Variants in TCF4 observed in about 807,000 individuals in gnomAD.
The protein encoded by TCF4 is transcription factor 4, also known as SL3-3 enhancer factor 2.
TCF4 carries 3 observed loss-of-function variants against 82.1 expected under a neutral mutation model. The ratio of observed to expected loss-of-function variants is 0.04; its 90% CI spans 0.02 to 0.09. The LOEUF is 0.09. Ranked by LOEUF, TCF4 falls within the 10% of genes least tolerant of loss-of-function variation. TCF4 has a pLI of 1.00. For synonymous variants in TCF4, 276 were observed against 309.6 expected (o/e 0.89, Z 1.14); for missense variants, 518 against 852.7 (o/e 0.61, Z 4.89).
chr18:55,497,112 T>G (rs2096646038), intron 3 of TCF4, among the ~76,000 whole-genome samples: 1 of 152,174 alleles, frequency 6.6e-6, no homozygotes, highest in Admixed American at 6.5e-5. Context: ...ATTATAAATA[T>G]CTTCAATAAT....
intron 13 of TCF4, among the ~76,000 whole-genome samples, chr18:55,258,053 T>A (rs1047517667): frequency 6.6e-6 from 1 of 152,218 alleles, no homozygotes; most frequent in East Asian, 1.9e-4. Context: ...ATAATACACA[T>A]TCAGTGTAGA....
chr18:55,609,186 C>T (rs182976593), intron 2 of TCF4, among the ~76,000 whole-genome samples: 183 of 152,238 alleles, frequency 1.2e-3, no homozygotes, highest in African/African-American at 4.3e-3. Flanking sequence ...TCGTTTAAGC[C>T]AACTGTTCTG....
In TCF4 at chr18:55,223,856, G is replaced by C. The variant is rs559050965; in HGVS notation, c.*4179C>G. 6.6e-6 allele frequency: 1 copy of C among 152,080 alleles called. No individual in the cohort carries two copies. The highest frequency in any genetic ancestry group is 2.4e-5 in the African/African-American group (1 of 41,416). 9.4% of individuals were successfully genotyped at this position (152,080 alleles called of 1,614,324 possible). On this transcript the variant is annotated 3_prime_UTR_variant, in exon 20 of 20. Coordinates refer to ENST00000354452, the MANE Select transcript of TCF4 (RefSeq NM_001083962.2). ...AACAAACAAAAAAGCTACCCATACA[G>C]TTTCATCTTGGTAACACATGGTAAA...
At chr18:55,476,921 G>A (rs2096302008) in intron 3 of TCF4, among the ~76,000 whole-genome samples, 1 of 152,158 alleles carries the variant, frequency 6.6e-6, no homozygotes, top group Non-Finnish European at 1.5e-5. Context: ...AAATGTGTGT[G>A]TGCATGTGTG....
At chr18:55,392,484 A>G (rs1035144270) in intron 6 of TCF4, among the ~76,000 whole-genome samples, 2 of 150,280 alleles carry the variant, frequency 1.3e-5, no homozygotes, top group Non-Finnish European at 1.5e-5. Flanking sequence ...AAAAAAAAGA[A>G]TATCACTGCT....
At chr18:55,566,560 G>A (rs2097408870) in intron 3 of TCF4, among the ~76,000 whole-genome samples, 1 of 151,946 alleles carries the variant, frequency 6.6e-6, no homozygotes, top group Admixed American at 6.6e-5. Context: ...GAACCAAATG[G>A]AACTTTTAGA....
At chr18:55,401,104 T>C in intron 6 of TCF4, 1 of 1,289,028 alleles carries the variant, frequency 7.8e-7, no homozygotes, top group South Asian at 1.2e-5. Flanking sequence ...TAGCTGATGT[T>C]GTAGACAGGG....
intron 2 of TCF4, among the ~76,000 whole-genome samples, chr18:55,625,480 AC>A (rs1189031934): frequency 2.0e-5 from 3 of 152,000 alleles, no homozygotes; most frequent in African/African-American, 7.2e-5. Context: ...CTTGTGGTCC[AC>A]CCGCCTTGGC....
intron 3 of TCF4, among the ~76,000 whole-genome samples, chr18:55,465,155 A>C (rs921061986): frequency 5.9e-5 from 9 of 152,194 alleles, no homozygotes; most frequent in Non-Finnish European, 1.2e-4. Flanking sequence ...CTCTGACAGA[A>C]GTGGAGGAGG....
Position 55,492,523 on chromosome 18 carries a change from C to A in TCF4, c.146-28386G>T, listed in dbSNP as rs190004155. Among the ~76,000 whole-genome samples, 332 of 152,192 alleles carry A rather than the reference C, an allele frequency of 2.2e-3. 1 individual carries two copies. Among genetic ancestry groups the A allele is most frequent in the Middle Eastern group, 3.4e-3 (1 of 294 alleles). ...CTTCTAAAAACATAATTAATATGTT[C>A]TTTTTAACAAATATTCTACACTACC... On this transcript the variant is annotated intron_variant, in intron 3 of 19. Transcript: ENST00000354452.
At chr18:55,384,075 C>A (rs143839458) in intron 6 of TCF4, 1 of 152,310 alleles carries the variant, frequency 6.6e-6, no homozygotes, top group African/African-American at 2.4e-5. Flanking sequence ...ACTTTTTGGT[C>A]ATTACACCTC....
intron 3 of TCF4, among the ~76,000 whole-genome samples, chr18:55,471,384 G>C (rs1172949058): frequency 6.6e-6 from 1 of 152,160 alleles, no homozygotes; most frequent in Non-Finnish European, 1.5e-5. Context: ...TGAGGGTTGT[G>C]TCAATGCTTC....
intron 3 of TCF4, among the ~76,000 whole-genome samples, chr18:55,561,035 C>CCTGT (rs2097350996): frequency 6.6e-6 from 1 of 152,254 alleles, no homozygotes; most frequent in Non-Finnish European, 1.5e-5. Context: ...CCATCCTTCA[C>CCTGT]CTGTCTTCAT....
At chr18:55,322,088 TTTTC>T (rs1203543391) in intron 8 of TCF4, 8 of 1,078,582 alleles carry the variant, frequency 7.4e-6, no homozygotes, top group African/African-American at 5.2e-5. Flanking sequence ...TTTCTTTTTC[TTTTC>T]TTTTTTTTTT....
intron 15 of TCF4, among the ~76,000 whole-genome samples, chr18:55,245,401 T>C (rs182469303): frequency 4.1e-4 from 63 of 152,346 alleles, no homozygotes; most frequent in Non-Finnish European, 7.5e-4. Context: ...CTGAATTACT[T>C]CATGAGTTGC....
intron 2 of TCF4, among the ~76,000 whole-genome samples, chr18:55,626,186 C>T (rs1244715521): frequency 6.6e-6 from 1 of 152,216 alleles, no homozygotes; most frequent in African/African-American, 2.4e-5. Context: ...GTCTGTTTCA[C>T]ATTTTCATTA....
chr18:55,318,718 A>G (rs1293220493), intron 8 of TCF4, among the ~76,000 whole-genome samples: 1 of 152,158 alleles, frequency 6.6e-6, no homozygotes, highest in Non-Finnish European at 1.5e-5. Flanking sequence ...GGATATGGAC[A>G]TGGAAACACT....
intron 9 of TCF4, among the ~76,000 whole-genome samples, chr18:55,278,145 C>A (rs1380286497): frequency 6.6e-6 from 1 of 152,162 alleles, no homozygotes; most frequent in Admixed American, 6.5e-5. Flanking sequence ...AGAGCTAACA[C>A]ACTGAAGGGA....
intron 2 of TCF4, among the ~76,000 whole-genome samples, chr18:55,607,390 GGTGGA>G (rs1209726767): frequency 1.3e-5 from 2 of 152,202 alleles, no homozygotes; most frequent in Non-Finnish European, 2.9e-5. Flanking sequence ...GTGTGTATAA[GGTGGA>G]GTGGAGATTT....
Sources: gnomAD v4.1 joint callset for allele counts (sites outside exome capture counted in the v4.1 genomes callset) on GRCh38, gnomAD v4.1.1 for gene constraint, MANE v1.5 for transcripts, NCBI Gene and HGNC (gene_info 2026-07-23, HGNC 2026-07-21) for gene names.